The following SAMMSON variants were observed in gnomAD, a reference collection of about 807,000 sequenced individuals.
SAMMSON encodes long intergenic non-protein coding RNA 1212.
chr3:70,166,751 A>T (rs2067638962), intron 4 of SAMMSON, among the ~76,000 whole-genome samples: 1 of 151,982 alleles, frequency 6.6e-6, no homozygotes, highest in African/African-American at 2.4e-5. Flanking sequence ...TTTCTTTTAG[A>T]ATATTAACAT....
chr3:70,234,103 G>C (rs1250429606), intron 4 of SAMMSON, among the ~76,000 whole-genome samples: 5 of 152,114 alleles, frequency 3.3e-5, no homozygotes, highest in Non-Finnish European at 7.3e-5. Flanking sequence ...TAAAAAGACT[G>C]GAGTCATATC....
chr3:70,407,198 T>C (rs922885146), intron 2 of SAMMSON, among the ~76,000 whole-genome samples: 4 of 152,116 alleles, frequency 2.6e-5, no homozygotes, highest in Non-Finnish European at 5.9e-5. Context: ...GGGAGTACAA[T>C]TCAAGATGAG....
intron 4 of SAMMSON, among the ~76,000 whole-genome samples, chr3:70,155,026 T>A (rs573068025): frequency 5.5e-4 from 83 of 152,036 alleles, no homozygotes; most frequent in African/African-American, 1.7e-3. Flanking sequence ...TTTTTTTTTT[T>A]AATTTGCTTA....
intron 9 of SAMMSON, among the ~76,000 whole-genome samples, chr3:70,387,593 A>G (rs181466656): frequency 1.3e-5 from 2 of 152,198 alleles, no homozygotes; most frequent in Admixed American, 1.3e-4. Context: ...ATTTTCAGCT[A>G]TTATGATTAT....
chr3:70,184,245 T>G (rs1701075251), intron 4 of SAMMSON: 1 of 152,224 alleles, frequency 6.6e-6, no homozygotes, highest in Non-Finnish European at 1.5e-5. Flanking sequence ...TTGGTTAATA[T>G]ATGTTTGGGA....
intron 4 of SAMMSON, among the ~76,000 whole-genome samples, chr3:70,234,702 T>TA (rs1301629889): frequency 8.6e-5 from 13 of 152,004 alleles, no homozygotes; most frequent in Admixed American, 8.5e-4. Flanking sequence ...TGGACACACA[T>TA]ACATCTACTT....
chr3:70,142,843 G>A (rs1429872106), intron 4 of SAMMSON, among the ~76,000 whole-genome samples: 1 of 152,132 alleles, frequency 6.6e-6, no homozygotes, highest in Non-Finnish European at 1.5e-5. Flanking sequence ...AATCCTGAGG[G>A]ATATAAAAGG....
At chr3:70,418,226 AGTAAC>A (rs918032450) in intron 2 of SAMMSON, among the ~76,000 whole-genome samples, 61 of 152,308 alleles carry the variant, frequency 4.0e-4, no homozygotes, top group African/African-American at 1.3e-3. Flanking sequence ...TCCTCCCATA[AGTAAC>A]GTAATGTCTG....
chr3:70,179,008 T>C (rs972650886), intron 4 of SAMMSON, among the ~76,000 whole-genome samples: 13 of 152,032 alleles, frequency 8.6e-5, no homozygotes, highest in African/African-American at 2.7e-4. Context: ...CTCAAAATAA[T>C]AGTAATAATA....
chr3:70,182,669 G>T (rs551283166), intron 4 of SAMMSON, among the ~76,000 whole-genome samples: 2 of 152,114 alleles, frequency 1.3e-5, no homozygotes, highest in Admixed American at 6.5e-5. Context: ...GCCCAATTTG[G>T]CTCAATTTGA....
intron 4 of SAMMSON, chr3:70,074,879 C>T (rs1025727602): frequency 7.9e-5 from 12 of 152,116 alleles, no homozygotes; most frequent in Non-Finnish European, 2.9e-5. Flanking sequence ...GGGATGAAAT[C>T]TTACTTATCT....
intron 3 of SAMMSON, chr3:70,013,700 T>C (rs1365823841): frequency 1.3e-5 from 2 of 152,206 alleles, no homozygotes; most frequent in Admixed American, 6.5e-5. Context: ...TTTTTCTTTT[T>C]AAAACACACA....
In SAMMSON at chr3:70,349,075, G is replaced by A. The variant is rs76247354; in HGVS notation, n.740-5100G>A. ...CAGGTCATGCACACAAGAAATGGGGGAGTGGAATGGAAGAACAGGCTGGCC... is the reference window on the plus strand; with the variant it reads ...CAGGTCATGCACACAAGAAATGGGGAAGTGGAATGGAAGAACAGGCTGGCC... On this transcript the variant is annotated intron_variant and non_coding_transcript_variant, in intron 7 of 9. Transcript: ENST00000642114. Among the ~76,000 whole-genome samples, 6 of 152,144 alleles carry A rather than the reference G, an allele frequency of 3.9e-5. No individual in the cohort carries two copies. The East Asian group carries it at 1.2e-3, about 29-fold the overall frequency.
chr3:70,376,497 C>G (rs1559576046), intron 9 of SAMMSON, among the ~76,000 whole-genome samples: 1 of 152,100 alleles, frequency 6.6e-6, no homozygotes, highest in Non-Finnish European at 1.5e-5. Flanking sequence ...TACATTGGTG[C>G]TATGTAATTT....
chr3:70,327,671 C>T lies in SAMMSON; in HGVS notation n.740-26504C>T, dbSNP rs1043373689. On this transcript the variant is annotated intron_variant and non_coding_transcript_variant, in intron 7 of 9. Transcript: ENST00000642114. ...AGAGCTCACACAGGGTCCAGAAGAA[C>T]TTGTGTTTCCACCAGGCAGAATAAA... Among the ~76,000 whole-genome samples the T allele has an allele frequency of 3.3e-5, 5 of 152,268 alleles. No individual in the cohort carries two copies. The South Asian group carries it at 6.2e-4, about 19-fold the overall frequency.
chr3:70,107,377 A>AGCC (rs2067370914), intron 4 of SAMMSON, among the ~76,000 whole-genome samples: 1 of 152,036 alleles, frequency 6.6e-6, no homozygotes, highest in Non-Finnish European at 1.5e-5. Flanking sequence ...AAGTAGGAAA[A>AGCC]CTAGCTTATG....
At chr3:70,029,348 A>G (rs985781134) in intron 3 of SAMMSON, among the ~76,000 whole-genome samples, 4 of 152,162 alleles carry the variant, frequency 2.6e-5, no homozygotes, top group African/African-American at 9.6e-5. Context: ...CCAATGTGGA[A>G]CCTTTTCTTA....
At chr3:70,215,012 A>G (rs1559536932) in intron 4 of SAMMSON, among the ~76,000 whole-genome samples, 2 of 152,060 alleles carry the variant, frequency 1.3e-5, no homozygotes, top group Non-Finnish European at 2.9e-5. Context: ...TATACAGTCA[A>G]TTTTTTTACT....
At chr3:70,114,858 C>A (rs1167798212) in intron 4 of SAMMSON, among the ~76,000 whole-genome samples, 1 of 152,054 alleles carries the variant, frequency 6.6e-6, no homozygotes, top group East Asian at 1.9e-4. Context: ...CAAATTCAAG[C>A]TTTATTTAAG....
Sources: gnomAD v4.1 joint callset for allele counts (sites outside exome capture counted in the v4.1 genomes callset) on GRCh38, gnomAD v4.1.1 for gene constraint, MANE v1.5 for transcripts, NCBI Gene and HGNC (gene_info 2026-07-23, HGNC 2026-07-21) for gene names.